CCSER1: variants seen among roughly 807,000 people sequenced by gnomAD.
The protein encoded by CCSER1 is serine-rich coiled-coil domain-containing protein 1.
A neutral mutation model predicts 82.0 loss-of-function variants in CCSER1; 41 were observed. The observed-to-expected ratio is 0.50, with a 90% CI of 0.39 to 0.65. CCSER1 has a LOEUF of 0.65. CCSER1 is among the 30% of genes least tolerant of loss of function. The pLI is 0.00. For missense variants in CCSER1, 1,119 were observed against 1,064.2 expected, an observed-to-expected ratio of 1.05 and a Z score of -0.72; for synonymous variants, 414 against 383.9, an observed-to-expected ratio of 1.08 and a Z score of -0.92.
intron 1 of CCSER1, among the ~76,000 whole-genome samples, chr4:90,236,859 AT>A (rs1378207681): frequency 6.6e-6 from 1 of 152,058 alleles, no homozygotes; most frequent in Non-Finnish European, 1.5e-5. Flanking sequence ...GTATATGTGT[AT>A]CCTATATGTG....
intron 1 of CCSER1, among the ~76,000 whole-genome samples, chr4:90,193,754 A>G (rs1736075160): frequency 6.6e-6 from 1 of 152,010 alleles, no homozygotes; most frequent in Non-Finnish European, 1.5e-5. Flanking sequence ...CTTAACATGT[A>G]CCTCATTTGA....
At position 91,380,472 on chromosome 4, in the gene CCSER1, T is replaced by G. The variant is rs1344953813; in HGVS notation, c.2218-218100T>G. On this transcript the variant is annotated intron_variant, in intron 10 of 10. Coordinates refer to ENST00000509176, the MANE Select transcript of CCSER1 (RefSeq NM_001145065.2). ...TATATTTAGGATAGTTAGCTCTACT[T>G]GTTGAATTGATCCCTTTACCGTTAT... 2.0e-5 allele frequency among the ~76,000 whole-genome samples: 3 copies of G among 152,198 alleles called. No homozygotes were observed. The East Asian group carries it at 5.8e-4, about 29-fold the overall frequency.
chr4:90,201,053 A>T (rs1737604974), intron 1 of CCSER1, among the ~76,000 whole-genome samples: 1 of 152,162 alleles, frequency 6.6e-6, no homozygotes, highest in African/African-American at 2.4e-5. Flanking sequence ...CTTGTCCAGG[A>T]ATATGAGAAG....
At chr4:90,482,910 C>A (rs568908957) in intron 5 of CCSER1, among the ~76,000 whole-genome samples, 1 of 152,280 alleles carries the variant, frequency 6.6e-6, no homozygotes, top group South Asian at 2.1e-4. Context: ...GAACTGACTT[C>A]AATTCCTGGA....
chr4:90,657,671 A>C (rs1729958211), intron 6 of CCSER1, among the ~76,000 whole-genome samples: 1 of 152,248 alleles, frequency 6.6e-6, no homozygotes, highest in South Asian at 2.1e-4. Context: ...GCCATCTAAT[A>C]AGATTTAAAT....
chr4:90,532,394 T>A (rs1409258936), intron 5 of CCSER1, among the ~76,000 whole-genome samples: 1 of 152,040 alleles, frequency 6.6e-6, no homozygotes, highest in Admixed American at 6.6e-5. Flanking sequence ...CATATTTTCC[T>A]CTCTCTTCTG....
At chr4:91,453,223 T>C (rs1193419064) in intron 10 of CCSER1, among the ~76,000 whole-genome samples, 1 of 152,028 alleles carries the variant, frequency 6.6e-6, no homozygotes, top group Non-Finnish European at 1.5e-5. Flanking sequence ...CATTTGGAGT[T>C]TTATGTCTTT....
chr4:91,527,465 A>C (rs1328399021), intron 10 of CCSER1, among the ~76,000 whole-genome samples: 2 of 152,208 alleles, frequency 1.3e-5, no homozygotes, highest in South Asian at 4.1e-4. Context: ...GAAAAGAAAG[A>C]GATCAATAAA....
intron 1 of CCSER1, among the ~76,000 whole-genome samples, chr4:90,223,054 G>C (rs901190777): frequency 2.0e-5 from 3 of 152,180 alleles, no homozygotes; most frequent in African/African-American, 7.2e-5. Flanking sequence ...ATGCTGAACA[G>C]TTCCAGCACC....
chr4:90,172,125 G>A (rs931404262), intron 1 of CCSER1, among the ~76,000 whole-genome samples: 3 of 151,836 alleles, frequency 2.0e-5, no homozygotes, highest in Non-Finnish European at 4.4e-5. Flanking sequence ...AAATCCGCTG[G>A]ATGGAAAAGA....
intron 4 of CCSER1, among the ~76,000 whole-genome samples, chr4:90,410,746 C>T (rs1754636515): frequency 6.6e-6 from 1 of 152,054 alleles, no homozygotes; most frequent in South Asian, 2.1e-4. Flanking sequence ...CATTCAACAG[C>T]TAGGAGAAGG....
chr4:91,372,317 G>A (rs933615576), intron 10 of CCSER1, among the ~76,000 whole-genome samples: 2 of 151,964 alleles, frequency 1.3e-5, no homozygotes, highest in Admixed American at 6.6e-5. Context: ...ACCATACATA[G>A]GATAATCTCA....
At chr4:91,115,833 C>A (rs1444098200) in intron 10 of CCSER1, among the ~76,000 whole-genome samples, 6 of 99,194 alleles carry the variant, frequency 6.0e-5, no homozygotes, top group East Asian at 3.0e-4. Flanking sequence ...TTTCAAATTT[C>A]CATTCTTTTA....
At chr4:90,369,622 G>T (rs1381352) in intron 3 of CCSER1, among the ~76,000 whole-genome samples, 70,030 of 151,668 alleles carry the variant, frequency 0.46, 16,703 homozygotes, top group South Asian at 0.58. Context: ...AATGTGAGGT[G>T]GGTTTATTAA....
chr4:90,338,731 T>C (rs1740855267), intron 3 of CCSER1, among the ~76,000 whole-genome samples: 1 of 152,250 alleles, frequency 6.6e-6, no homozygotes, highest in South Asian at 2.1e-4. Context: ...ATAAAATTAC[T>C]AATTTTAGTG....
intron 1 of CCSER1, among the ~76,000 whole-genome samples, chr4:90,224,219 A>AGGCAG (rs1742699771): frequency 1.3e-5 from 2 of 152,188 alleles, no homozygotes; most frequent in South Asian, 4.1e-4. Flanking sequence ...GACGGAGAAA[A>AGGCAG]GGCAGACTCC....
chr4:91,574,044 T>C (rs1449190238), intron 10 of CCSER1, among the ~76,000 whole-genome samples: 4 of 152,046 alleles, frequency 2.6e-5, no homozygotes, highest in Admixed American at 1.3e-4. Flanking sequence ...TATTGTTCCA[T>C]TGATTGGAAT....
intron 6 of CCSER1, among the ~76,000 whole-genome samples, chr4:90,631,070 T>C (rs1198232391): frequency 1.3e-5 from 2 of 151,878 alleles, no homozygotes; most frequent in East Asian, 3.9e-4. Context: ...ATTTTATGTA[T>C]TTTTAGTAGA....
chr4:90,906,847 C>T (rs1725552112), intron 8 of CCSER1, among the ~76,000 whole-genome samples: 1 of 151,984 alleles, frequency 6.6e-6, no homozygotes, highest in South Asian at 2.1e-4. Flanking sequence ...TTGTATTAGT[C>T]AGTGCCATTT....
Sources: allele counts gnomAD v4.1 joint callset (sites outside exome capture counted in the v4.1 genomes callset), GRCh38; gene constraint gnomAD v4.1.1; transcripts MANE v1.5; gene names NCBI Gene and HGNC (gene_info 2026-07-23, HGNC 2026-07-21).